Variants in CGNL1 observed in about 807,000 individuals in gnomAD.
The protein encoded by CGNL1 is cingulin-like protein 1.
In CGNL1, 132 loss-of-function variants were observed where a neutral mutation model predicts 141.2. That is an observed-to-expected ratio of 0.93 (90% CI 0.81 to 1.08). The LOEUF is 1.08. Ranked by LOEUF, CGNL1 falls within the 50% of genes least tolerant of loss-of-function variation. The pLI is 0.00. For synonymous variants in CGNL1, 690 were observed against 622.1 expected (o/e 1.11, Z -1.63); for missense variants, 1,870 against 1,588.6 (o/e 1.18, Z -3.01).
intron 8 of CGNL1, among the ~76,000 whole-genome samples, chr15:57,481,329 C>T (rs1311597634): frequency 6.6e-6 from 1 of 152,080 alleles, no homozygotes; most frequent in Non-Finnish European, 1.5e-5. Context: ...CCTTTTATAG[C>T]CATGCCATCT....
intron 13 of CGNL1, among the ~76,000 whole-genome samples, chr15:57,530,032 A>G (rs1202010641): frequency 1.3e-5 from 2 of 152,362 alleles, no homozygotes; most frequent in South Asian, 2.1e-4. Context: ...TTAACTAGAA[A>G]CTGATTATTC....
At chr15:57,460,290 C>G (rs192295728) in intron 7 of CGNL1, among the ~76,000 whole-genome samples, 1 of 152,060 alleles carries the variant, frequency 6.6e-6, no homozygotes, top group African/African-American at 2.4e-5. Flanking sequence ...AGGGGACTGT[C>G]TTGGTAGAGC....
chr15:57,483,869 T>C (rs1393368290), intron 8 of CGNL1, among the ~76,000 whole-genome samples: 1 of 152,250 alleles, frequency 6.6e-6, no homozygotes, highest in Non-Finnish European at 1.5e-5. Flanking sequence ...TCTCTGCATT[T>C]ATTGATATGA....
intron 8 of CGNL1, among the ~76,000 whole-genome samples, chr15:57,498,686 G>A (rs1166078467): frequency 6.6e-6 from 1 of 152,132 alleles, no homozygotes; most frequent in African/African-American, 2.4e-5. Flanking sequence ...CCCATGACAA[G>A]GCTTATGGAG....
intron 8 of CGNL1, among the ~76,000 whole-genome samples, chr15:57,512,200 G>A (rs551411800): frequency 6.6e-6 from 1 of 152,332 alleles, no homozygotes; most frequent in East Asian, 1.9e-4. Context: ...GGTCCTCTCT[G>A]CCATGTTTCT....
At chr15:57,378,381 T>G (rs1353165933) in intron 1 of CGNL1, among the ~76,000 whole-genome samples, 333 of 114,526 alleles carry the variant, frequency 2.9e-3, no homozygotes, top group Non-Finnish European at 4.9e-3. Flanking sequence ...TTTTTTTTTT[T>G]TTTTTTTTTT....
In CGNL1 at chr15:57,378,158, T is replaced by C. The variant is rs371586187; in HGVS notation, c.-16+1591T>C. On this transcript the variant is annotated intron_variant, in intron 1 of 18. Coordinates refer to ENST00000281282, the MANE Select transcript of CGNL1 (RefSeq NM_032866.5). ...AGGACTAAGGAAAATGTAACCATGCTTATATTGGCTAAATTAGGTCATATA... is the reference window on the plus strand; with the variant it reads ...AGGACTAAGGAAAATGTAACCATGCCTATATTGGCTAAATTAGGTCATATA... Among the ~76,000 whole-genome samples, 6 of 152,306 alleles carry C rather than the reference T, an allele frequency of 3.9e-5. No homozygotes were observed. The East Asian group carries it at 5.8e-4, about 15-fold the overall frequency.
At chr15:57,524,773 T>G (rs2031508746) in intron 12 of CGNL1, 22 bp downstream of exon 12, 1 of 1,611,136 alleles carries the variant, frequency 6.2e-7, no homozygotes, top group South Asian at 1.1e-5. Flanking sequence ...CCAGATAAGT[T>G]CTTCCTTTAT....
chr15:57,403,188 A>G (rs997379160), intron 1 of CGNL1, among the ~76,000 whole-genome samples: 11 of 152,134 alleles, frequency 7.2e-5, no homozygotes, highest in African/African-American at 2.2e-4. Context: ...GGCAACCTCC[A>G]TGGTGGTCTT....
At chr15:57,481,126 A>C (rs1410981249) in intron 8 of CGNL1, among the ~76,000 whole-genome samples, 2 of 149,934 alleles carry the variant, frequency 1.3e-5, no homozygotes, top group African/African-American at 4.9e-5. Flanking sequence ...TTAAAAAATC[A>C]AACGTTTTGA....
chr15:57,503,149 G>A (rs1393408439), intron 8 of CGNL1, among the ~76,000 whole-genome samples: 2 of 152,234 alleles, frequency 1.3e-5, no homozygotes, highest in African/African-American at 4.8e-5. Flanking sequence ...ACCATTAATT[G>A]TCAAAGCCAG....
rs148389782 is a variant in CGNL1 at position 57,534,315 on chromosome 15, C to A, written c.3291+2536C>A. On this transcript the variant is annotated intron_variant, in intron 14 of 18. Coordinates refer to ENST00000281282, the MANE Select transcript of CGNL1 (RefSeq NM_032866.5). ...TATAAGTGGAGAAATTGAGCACATT[C>A]ACATGGACGTAGGAATTGGTAAGCC... 1.3e-4 allele frequency among the ~76,000 whole-genome samples: 20 copies of A among 152,280 alleles called. 1 individual carries two copies.
chr15:57,529,004 C>T lies in CGNL1; in HGVS notation c.3201+189C>T, dbSNP rs1480139177. The stretch of plus-strand genomic sequence containing the variant: ...CCAGTCATTTATAGACTCAGGACAT[C>T]AGAGCTAGAAGGAATGATGGATATA... On this transcript the variant is annotated intron_variant, in intron 13 of 18. Transcript: ENST00000281282. 7 of 574,344 alleles carry T rather than the reference C, an allele frequency of 1.2e-5. No homozygotes were observed. The Admixed American group carries it at 1.9e-4, about 15-fold the overall frequency. The allele number at this position is 574,344 out of a possible 1,614,324, so 35.6% of individuals were successfully genotyped here.
Position 57,550,615 on chromosome 15 carries a change from G to A in CGNL1, c.*3125G>A, listed in dbSNP as rs2033069765. ...TTTAGGGTATGGTTTGGTCGCTTTG[G>A]TTGTCATGAGAAAGAGACATTCTCC... On this transcript the variant is annotated 3_prime_UTR_variant, in exon 19 of 19. Transcript: ENST00000281282. 1 of 152,610 alleles carries A rather than the reference G, an allele frequency of 6.6e-6. No homozygotes were observed. The highest frequency in any genetic ancestry group is 1.5e-5 in the Non-Finnish European group (1 of 68,044). The allele number at this position is 152,610 out of a possible 1,614,324, so 9.5% of individuals were successfully genotyped here. A position where few individuals can be genotyped will look rare whatever the true frequency, so the allele number is the denominator to read the frequency against.
intron 8 of CGNL1, among the ~76,000 whole-genome samples, chr15:57,496,295 C>T (rs1390013320): frequency 6.6e-6 from 1 of 152,132 alleles, no homozygotes; most frequent in African/African-American, 2.4e-5. Flanking sequence ...TGTGCTTGAC[C>T]TGATATTTGG....
chr15:57,434,899 C>A (rs978544160), intron 1 of CGNL1, among the ~76,000 whole-genome samples: 8 of 151,874 alleles, frequency 5.3e-5, no homozygotes, highest in Admixed American at 6.6e-5. Context: ...TTCTATCAGA[C>A]CAATTGGGTA....
chr15:57,515,329 T>C (rs1318464497), intron 8 of CGNL1, among the ~76,000 whole-genome samples: 2 of 152,350 alleles, frequency 1.3e-5, no homozygotes, highest in East Asian at 3.9e-4. Context: ...GAAAGGATGC[T>C]CTGGTTCCTG....
intron 1 of CGNL1, among the ~76,000 whole-genome samples, chr15:57,398,061 G>C (rs1434055838): frequency 6.6e-6 from 1 of 152,126 alleles, no homozygotes; most frequent in Non-Finnish European, 1.5e-5. Flanking sequence ...GATTACAGGC[G>C]TGAGCCACCA....
At chr15:57,422,861 C>G (rs1664433) in intron 1 of CGNL1, among the ~76,000 whole-genome samples, 84,948 of 151,804 alleles carry the variant, frequency 0.56, 24,018 homozygotes, top group Middle Eastern at 0.63. Context: ...AGGTTTGGGC[C>G]TGAAAATTTG....
Sources: allele counts gnomAD v4.1 joint callset (sites outside exome capture counted in the v4.1 genomes callset), GRCh38; gene constraint gnomAD v4.1.1; transcripts MANE v1.5; gene names NCBI Gene and HGNC (gene_info 2026-07-23, HGNC 2026-07-21).